The following ADAM20 variants were observed in gnomAD, a reference collection of about 807,000 sequenced individuals.
The protein encoded by ADAM20 is disintegrin and metalloproteinase domain-containing protein 20.
For missense variants in ADAM20, 871 were observed against 883.2 expected, an observed-to-expected ratio of 0.99 and a Z score of 0.18; for synonymous variants, 305 against 310.2, an observed-to-expected ratio of 0.98 and a Z score of 0.18.
chr14:70,530,574 C>T (rs961271127), intron 1 of ADAM20, among the ~76,000 whole-genome samples: 7 of 152,138 alleles, frequency 4.6e-5, no homozygotes, highest in Non-Finnish European at 1.0e-4. Flanking sequence ...ACCACAAACA[C>T]ATGAGTAATG....
chr14:70,523,644 C>A lies in ADAM20; in HGVS notation c.1114G>T (p.Val372Leu), dbSNP rs978064077. The A allele has an allele frequency of 1.9e-6, 3 of 1,614,058 alleles. No homozygotes were observed. The highest frequency in any genetic ancestry group is 2.7e-5 in the African/African-American group (2 of 75,036). The change falls in exon 2 of 2, where the codon GTG becomes TTG. Residue 372 changes from valine (V) to leucine (L), a missense_variant. Coordinates refer to ENST00000256389, the MANE Select transcript of ADAM20 (RefSeq NM_003814.5). ...CTGCAGTTGCTAAATTTAGTTGTCA[C>A]CTTTCTATAGGCATGCATTATGCAC... is the stretch of plus-strand genomic sequence containing the variant. ...QWCIMHAYRK[V>L]TTKFSNCSYA...
the ADAM20 span, among the ~76,000 whole-genome samples, chr14:70,576,811 T>C: frequency 6.6e-6 from 1 of 152,116 alleles, no homozygotes; most frequent in Non-Finnish European, 1.5e-5. Flanking sequence ...ACTGAAACAC[T>C]TACAAAAATA....
the ADAM20 span, among the ~76,000 whole-genome samples, chr14:70,542,567 C>G: frequency 6.6e-6 from 1 of 152,190 alleles, no homozygotes. Context: ...TTTGATGGTA[C>G]AAATCCATGG....
the ADAM20 span, among the ~76,000 whole-genome samples, chr14:70,553,617 G>A: frequency 6.6e-6 from 1 of 150,646 alleles, no homozygotes; most frequent in African/African-American, 2.4e-5. Context: ...TTATCACTGG[G>A]ATGTAAGGAT....
At chr14:70,563,481 G>A in the ADAM20 span, among the ~76,000 whole-genome samples, 3 of 152,148 alleles carry the variant, frequency 2.0e-5, no homozygotes, top group South Asian at 2.1e-4. Flanking sequence ...GTTGTTCTAC[G>A]CAAGAACAAA....
chr14:70,561,157 T>C, the ADAM20 span, among the ~76,000 whole-genome samples: 1 of 152,200 alleles, frequency 6.6e-6, no homozygotes, highest in Admixed American at 6.5e-5. Flanking sequence ...GAGGAATTTA[T>C]TGGGAACTGG....
the ADAM20 span, among the ~76,000 whole-genome samples, chr14:70,559,962 ATAAT>A: frequency 1.3e-5 from 2 of 152,212 alleles, no homozygotes; most frequent in Non-Finnish European, 2.9e-5. Context: ...TGTGTTAATA[ATAAT>A]TATTATGTTA....
chr14:70,567,832 G>A, the ADAM20 span, among the ~76,000 whole-genome samples: 2 of 152,100 alleles, frequency 1.3e-5, no homozygotes, highest in Non-Finnish European at 2.9e-5. Context: ...CTAAGGTCGT[G>A]AGCTTTGCAA....
At chr14:70,564,690 A>T in the ADAM20 span, among the ~76,000 whole-genome samples, 10 of 151,986 alleles carry the variant, frequency 6.6e-5, no homozygotes, top group Non-Finnish European at 1.3e-4. Flanking sequence ...TAAATCAAAA[A>T]ATAAAACATG....
rs748224006 is a variant in ADAM20 at position 70,523,235 on chromosome 14, C to T, written c.1523G>A (p.Cys508Tyr). The T allele has an allele frequency of 8.7e-6, 14 of 1,613,878 alleles. No homozygotes were observed. The African/African-American group carries it at 1.3e-4, about 15-fold the overall frequency. Residue 508 changes from cysteine (C) to tyrosine (Y), a missense_variant, in exon 2 of 2, where the codon TGT (cysteine) becomes TAT (tyrosine). Physicochemically the swap from Cys to Tyr is radical, Grantham distance 194. Transcript: ENST00000256389. ...TTTACATTGTATATCATGGTTATTACACGTCTTTTCATAGCAGAAGGCATT... is the reference window on the plus strand; with the variant it reads ...TTTACATTGTATATCATGGTTATTATACGTCTTTTCATAGCAGAAGGCATT... ...NVNAFCYEKT[C>Y]NNHDIQCKEI... is the part of the protein sequence containing the mutation.
At chr14:70,565,439 A>C in the ADAM20 span, among the ~76,000 whole-genome samples, 1 of 152,188 alleles carries the variant, frequency 6.6e-6, no homozygotes, top group Admixed American at 6.5e-5. Flanking sequence ...GAATAAATCC[A>C]AAAAGGTCTA....
In ADAM20 at chr14:70,535,003, C is replaced by G. The variant is rs541068998; in HGVS notation, c.-383G>C. Reference sequence around the variant, plus strand: ...GGGCATGACCCTAGTCTTAAACACACTGCTGAACTCCCATCCAATGGAGAA... The same window carrying G: ...GGGCATGACCCTAGTCTTAAACACAGTGCTGAACTCCCATCCAATGGAGAA... On this transcript the variant is annotated 5_prime_UTR_variant, in exon 1 of 2. Transcript: ENST00000256389. 1 of 152,196 alleles carries G rather than the reference C, an allele frequency of 6.6e-6. No individual in the cohort carries two copies. Among genetic ancestry groups the G allele is most frequent in the Non-Finnish European group, 1.5e-5 (1 of 68,042 alleles). 9.4% of individuals were successfully genotyped at this position (152,196 alleles called of 1,614,324 possible). A position where few individuals can be genotyped will look rare whatever the true frequency, so the allele number is the denominator to read the frequency against.
the ADAM20 span, among the ~76,000 whole-genome samples, chr14:70,566,713 C>T: frequency 1.3e-5 from 2 of 152,166 alleles, no homozygotes; most frequent in Admixed American, 6.5e-5. Context: ...GGCGCGGTGG[C>T]TCACACTTGT....
chr14:70,577,448 T>C, the ADAM20 span, among the ~76,000 whole-genome samples: 3 of 152,216 alleles, frequency 2.0e-5, no homozygotes, highest in African/African-American at 7.2e-5. Flanking sequence ...TGAAAACTAC[T>C]AGATTTCCAC....
the ADAM20 span, among the ~76,000 whole-genome samples, chr14:70,578,043 A>G: frequency 6.6e-6 from 1 of 152,180 alleles, no homozygotes; most frequent in Non-Finnish European, 1.5e-5. Flanking sequence ...GAAAAATTAA[A>G]GTTTTTTGTA....
chr14:70,533,579 A>G (rs190147794), intron 1 of ADAM20, among the ~76,000 whole-genome samples: 19 of 152,202 alleles, frequency 1.2e-4, no homozygotes, highest in Non-Finnish European at 2.5e-4. Context: ...GGAGAAGAAC[A>G]TCACACACCA....
chr14:70,535,212 G>A (rs1883807459), upstream of ADAM20, among the ~76,000 whole-genome samples: 1 of 152,112 alleles, frequency 6.6e-6, no homozygotes. Context: ...TGTAAACTGG[G>A]AAATTTACAT....
the ADAM20 span, among the ~76,000 whole-genome samples, chr14:70,559,428 T>C: frequency 2.0e-5 from 3 of 152,166 alleles, no homozygotes; most frequent in African/African-American, 4.8e-5. Flanking sequence ...AAATTCACCA[T>C]TGTTTCCCAC....
At chr14:70,544,056 G>C in the ADAM20 span, among the ~76,000 whole-genome samples, 1 of 151,582 alleles carries the variant, frequency 6.6e-6, no homozygotes, top group East Asian at 1.9e-4. Flanking sequence ...CCAGCCCCGA[G>C]ATAACCTCCC....
Sources: gnomAD v4.1 joint callset for allele counts (sites outside exome capture counted in the v4.1 genomes callset) on GRCh38, gnomAD v4.1.1 for gene constraint, MANE v1.5 for transcripts, NCBI Gene and HGNC (gene_info 2026-07-23, HGNC 2026-07-21) for gene names.